NTM: variants seen among roughly 807,000 people sequenced by gnomAD.
NTM encodes neurotrimin, also known as IgLON family member 2.
Under a neutral mutation model 42.1 loss-of-function variants are expected in NTM, and 13 were observed. The observed-to-expected ratio is 0.31, with a 90% CI of 0.20 to 0.49. The LOEUF (loss-of-function observed/expected upper bound fraction) is 0.49. NTM is among the 20% of genes least tolerant of loss of function. The pLI, the probability that NTM is intolerant of heterozygous loss-of-function variation, is 0.99. For missense variants in NTM, 373 were observed against 452.8 expected, an observed-to-expected ratio of 0.82 and a Z score of 1.60; for synonymous variants, 187 against 179.2, an observed-to-expected ratio of 1.04 and a Z score of -0.35.
At position 132,011,285 on chromosome 11, in the gene NTM, C is replaced by T. The variant is rs193293161; in HGVS notation, c.167+99637C>T. Among the ~76,000 whole-genome samples the T allele has an allele frequency of 2.7e-3, 404 of 152,228 alleles. 1 individual carries two copies. Among genetic ancestry groups the T allele is most frequent in the Non-Finnish European group, 4.9e-3 (334 of 68,018 alleles). ...CAACAGTTTACTGCACTGTTTCTAA[C>T]ATTTAACTTGAAGTATAAATAAATG... On this transcript the variant is annotated intron_variant, in intron 2 of 8. Coordinates refer to ENST00000683400, the MANE Select transcript of NTM (RefSeq NM_001352005.2).
chr11:132,204,750 C>T (rs952684710), intron 3 of NTM, among the ~76,000 whole-genome samples: 1 of 152,132 alleles, frequency 6.6e-6, no homozygotes, highest in African/African-American at 2.4e-5. Context: ...CCTTCATGCT[C>T]CATGACAGAT....
chr11:131,893,917 C>G (rs1278345525), intron 1 of NTM, among the ~76,000 whole-genome samples: 1 of 152,144 alleles, frequency 6.6e-6, no homozygotes, highest in East Asian at 1.9e-4. Context: ...GAAGAGGGCG[C>G]ATGTTTCTTT....
rs138284811 is a variant in NTM at position 132,060,858 on chromosome 11, C to G, written c.168-85424C>G. Among the ~76,000 whole-genome samples the G allele has an allele frequency of 2.0e-5, 3 of 152,208 alleles. No individual in the cohort carries two copies. In the East Asian group the frequency reaches 5.8e-4, roughly 29 times the overall value. On this transcript the variant is annotated intron_variant, in intron 2 of 8. Transcript: ENST00000683400. ...CTACAAATGGTGTTAGTGGTCATAA[C>G]TGCAAATGATTGTGATTTTTATTGG...
chr11:131,581,362 C>A (rs1225011034), intron 1 of NTM, among the ~76,000 whole-genome samples: 1 of 152,178 alleles, frequency 6.6e-6, no homozygotes, highest in Non-Finnish European at 1.5e-5. Flanking sequence ...AGGAGAGTTG[C>A]TTCAAGGAGA....
chr11:131,895,078 A>G (rs2052040842), intron 1 of NTM, among the ~76,000 whole-genome samples: 1 of 152,208 alleles, frequency 6.6e-6, no homozygotes, highest in South Asian at 2.1e-4. Flanking sequence ...TTCTGCTGAG[A>G]ACATATCTTA....
chr11:132,044,550 T>A (rs543262785), intron 2 of NTM, among the ~76,000 whole-genome samples: 2 of 152,236 alleles, frequency 1.3e-5, no homozygotes, highest in East Asian at 3.9e-4. Flanking sequence ...CCATATATTT[T>A]CTTATTTCCA....
chr11:131,765,112 T>C (rs1474505472), intron 1 of NTM, among the ~76,000 whole-genome samples: 2 of 152,096 alleles, frequency 1.3e-5, no homozygotes, highest in African/African-American at 4.8e-5. Flanking sequence ...TAAAGAATGC[T>C]CTGTATGAGA....
intron 3 of NTM, among the ~76,000 whole-genome samples, chr11:132,201,204 C>T (rs1219348861): frequency 2.0e-5 from 3 of 152,310 alleles, no homozygotes; most frequent in South Asian, 2.1e-4. Flanking sequence ...GTGGCACCCT[C>T]TACCCATGAG....
At chr11:132,035,575 G>A (rs551734513) in intron 2 of NTM, among the ~76,000 whole-genome samples, 1 of 152,100 alleles carries the variant, frequency 6.6e-6, no homozygotes, top group Non-Finnish European at 1.5e-5. Flanking sequence ...TGTTTCAAAG[G>A]TCTGCAGATT....
At chr11:131,590,775 G>A (rs192194847) in intron 1 of NTM, among the ~76,000 whole-genome samples, 1 of 152,284 alleles carries the variant, frequency 6.6e-6, no homozygotes, top group Non-Finnish European at 1.5e-5. Context: ...GAGAACTTAT[G>A]GGACTTGTCC....
chr11:131,749,805 G>A (rs1330373981), intron 1 of NTM, among the ~76,000 whole-genome samples: 1 of 152,072 alleles, frequency 6.6e-6, no homozygotes, highest in East Asian at 1.9e-4. Context: ...TCACTATGCT[G>A]GTCAGGCTGG....
intron 4 of NTM, among the ~76,000 whole-genome samples, chr11:132,307,004 G>A (rs540353138): frequency 2.6e-5 from 4 of 152,200 alleles, no homozygotes; most frequent in African/African-American, 7.2e-5. Flanking sequence ...GAGTGGATTC[G>A]CAGCCACGTC....
At chr11:131,637,223 G>GC (rs1381341257) in intron 1 of NTM, among the ~76,000 whole-genome samples, 1 of 151,952 alleles carries the variant, frequency 6.6e-6, no homozygotes, top group Non-Finnish European at 1.5e-5. Context: ...TCCTCGGCTG[G>GC]CTATGGTGAA....
chr11:131,916,380 T>A (rs2056364907), intron 2 of NTM, among the ~76,000 whole-genome samples: 1 of 152,200 alleles, frequency 6.6e-6, no homozygotes, highest in Non-Finnish European at 1.5e-5. Flanking sequence ...TTCCTGGGGA[T>A]CACTTGGCAG....
chr11:131,820,893 C>G (rs1180302845), intron 1 of NTM, among the ~76,000 whole-genome samples: 1 of 152,086 alleles, frequency 6.6e-6, no homozygotes, highest in Admixed American at 6.6e-5. Flanking sequence ...ATTACAAACG[C>G]GGCCACTATG....
intron 2 of NTM, among the ~76,000 whole-genome samples, chr11:132,034,410 A>G (rs1396173964): frequency 2.0e-5 from 3 of 152,202 alleles, no homozygotes; most frequent in African/African-American, 7.2e-5. Flanking sequence ...TTCAGGATGT[A>G]TGTTAAGTGC....
At chr11:131,832,212 A>G (rs1398361186) in intron 1 of NTM, among the ~76,000 whole-genome samples, 4 of 150,300 alleles carry the variant, frequency 2.7e-5, no homozygotes, top group South Asian at 4.2e-4. Flanking sequence ...AACAGAGTTC[A>G]TATGTATGCG....
chr11:131,593,723 T>C (rs914740015), intron 1 of NTM, among the ~76,000 whole-genome samples: 1 of 152,216 alleles, frequency 6.6e-6, no homozygotes, highest in Non-Finnish European at 1.5e-5. Context: ...CTAAAACCTC[T>C]TGTATTTTGT....
chr11:132,083,588 A>C (rs1422034301), intron 2 of NTM, among the ~76,000 whole-genome samples: 2 of 152,160 alleles, frequency 1.3e-5, no homozygotes, highest in African/African-American at 4.8e-5. Flanking sequence ...GACATTCTTT[A>C]CTCACCACAG....
Sources: gnomAD v4.1 joint callset for allele counts (sites outside exome capture counted in the v4.1 genomes callset) on GRCh38, gnomAD v4.1.1 for gene constraint, MANE v1.5 for transcripts, NCBI Gene and HGNC (gene_info 2026-07-23, HGNC 2026-07-21) for gene names.